The following DGKG variants were observed in gnomAD, a reference collection of about 807,000 sequenced individuals.
DGKG encodes the protein diacylglycerol kinase gamma.
In DGKG, 78 loss-of-function variants were observed where a neutral mutation model predicts 105.3. That is an observed-to-expected ratio of 0.74 (90% CI 0.62 to 0.89). DGKG has a LOEUF of 0.89. Ranked by LOEUF, DGKG falls within the 40% of genes least tolerant of loss-of-function variation. The pLI, the probability that DGKG is intolerant of heterozygous loss-of-function variation, is 0.00. For missense variants in DGKG, 958 were observed against 1,020.1 expected, an observed-to-expected ratio of 0.94 and a Z score of 0.83; for synonymous variants, 346 against 367.1, an observed-to-expected ratio of 0.94 and a Z score of 0.66.
chr3:186,209,859 A>G (rs1037625914), intron 21 of DGKG, among the ~76,000 whole-genome samples: 2 of 152,190 alleles, frequency 1.3e-5, no homozygotes, highest in Non-Finnish European at 2.9e-5. Context: ...GAGGGCTGTC[A>G]GAAGCTGCCC....
In DGKG at chr3:186,198,981, C is replaced by T. The variant is rs539903816; in HGVS notation, c.1918-10602G>A. On this transcript the variant is annotated intron_variant, in intron 21 of 24. Coordinates refer to ENST00000265022, the MANE Select transcript of DGKG (RefSeq NM_001346.3). ...TTTTTTTTTAAGACGGAGTTTTGCT[C>T]TTGTTACCCAGGCTGGAGTGCAATG... is the stretch of plus-strand genomic sequence containing the variant. 6.2e-4 allele frequency among the ~76,000 whole-genome samples: 95 copies of T among 152,120 alleles called. 1 individual carries two copies. Among genetic ancestry groups the T allele is most frequent in the Non-Finnish European group, 1.2e-3 (81 of 68,000 alleles).
chr3:186,241,991 C>G (rs1320515961), intron 20 of DGKG, among the ~76,000 whole-genome samples: 1 of 152,200 alleles, frequency 6.6e-6, no homozygotes, highest in Non-Finnish European at 1.5e-5. Context: ...AGGTACCTCT[C>G]TGCTGCTGCC....
intron 20 of DGKG, among the ~76,000 whole-genome samples, chr3:186,213,249 G>T (rs995563309): frequency 1.3e-5 from 2 of 152,342 alleles, no homozygotes; most frequent in African/African-American, 4.8e-5. Flanking sequence ...AAGCAGACCG[G>T]TGCTTCTCAA....
In DGKG at chr3:186,348,626, A is replaced by G. The variant is rs1578866360; in HGVS notation, c.-249+13320T>C. On this transcript the variant is annotated intron_variant, in intron 1 of 24. Transcript: ENST00000265022. ...ATCACCATTCCTGGCTAATTTTTGTATTTTTAGTAGAGGTGGGGTTTTGCC... is the reference window on the plus strand; with the variant it reads ...ATCACCATTCCTGGCTAATTTTTGTGTTTTTAGTAGAGGTGGGGTTTTGCC... Among the ~76,000 whole-genome samples, 6 of 151,464 alleles carry G rather than the reference A, an allele frequency of 4.0e-5. 1 individual carries two copies. In the South Asian group the frequency reaches 1.3e-3, roughly 32 times the overall value.
At chr3:186,302,621 C>T (rs866263911) in intron 3 of DGKG, among the ~76,000 whole-genome samples, 8 of 139,470 alleles carry the variant, frequency 5.7e-5, no homozygotes, top group Non-Finnish European at 1.1e-4. Context: ...TGTGTATATA[C>T]CTATATCTAT....
Position 186,149,984 on chromosome 3 carries a change from A to ATG in DGKG, c.*104_*105dup, listed in dbSNP as rs112047120. On this transcript the variant is annotated 3_prime_UTR_variant, in exon 25 of 25. Coordinates refer to ENST00000265022, the MANE Select transcript of DGKG (RefSeq NM_001346.3). Reference sequence around the variant, plus strand: ...TTCCACTGGTTAGAGAAGAGTGTGTATGTGTGTGTGTGTGTGCATGTGTGA... The same window carrying ATG: ...TTCCACTGGTTAGAGAAGAGTGTGTATGTGTGTGTGTGTGTGTGCATGTGTGA... The ATG allele has an allele frequency of 6.9e-4, 944 of 1,376,978 alleles. No homozygotes were observed. The highest frequency in any genetic ancestry group is 1.9e-3 in the East Asian group (68 of 36,006). 85.3% of individuals were successfully genotyped at this position (1,376,978 alleles called of 1,614,324 possible).
intron 24 of DGKG, chr3:186,158,089 A>C: frequency 2.2e-6 from 1 of 452,048 alleles, no homozygotes; most frequent in Non-Finnish European, 2.9e-6. Flanking sequence ...AATATGTTTG[A>C]TTCCTTTCTC....
At position 186,149,095 on chromosome 3, in the gene DGKG, G is replaced by A; in HGVS notation, c.*995C>T. The A allele has an allele frequency of 3.0e-6, 3 of 984,848 alleles. No individual in the cohort carries two copies. Among genetic ancestry groups the A allele is most frequent in the Non-Finnish European group, 3.6e-6 (3 of 829,772 alleles). The allele number at this position is 984,848 out of a possible 1,614,324, so 61.0% of individuals were successfully genotyped here. On this transcript the variant is annotated 3_prime_UTR_variant, in exon 25 of 25. Transcript: ENST00000265022. The stretch of plus-strand genomic sequence containing the variant: ...CTCTGGGAGTGGTGAGTGCAAAGAA[G>A]CAGGAGGGAACCGTCTCCTGGTTTC...
At chr3:186,177,055 C>T (rs16860521) in intron 22 of DGKG, among the ~76,000 whole-genome samples, 1,850 of 152,290 alleles carry the variant, frequency 0.012, 41 homozygotes, top group African/African-American at 0.042. Context: ...TTGGCTTTGT[C>T]CATTCTTCCC....
At chr3:186,332,981 G>T (rs1725670317) in intron 1 of DGKG, among the ~76,000 whole-genome samples, 1 of 152,112 alleles carries the variant, frequency 6.6e-6, no homozygotes, top group Admixed American at 6.5e-5. Flanking sequence ...ACTCTATGTA[G>T]AATCACCACC....
intron 5 of DGKG, among the ~76,000 whole-genome samples, chr3:186,296,536 G>C (rs1283902662): frequency 1.3e-5 from 2 of 152,236 alleles, no homozygotes; most frequent in African/African-American, 4.8e-5. Flanking sequence ...GCTTCCCATT[G>C]ATAAATGTGT....
At chr3:186,290,026 C>G (rs889161120) in intron 5 of DGKG, among the ~76,000 whole-genome samples, 1 of 152,146 alleles carries the variant, frequency 6.6e-6, no homozygotes, top group Non-Finnish European at 1.5e-5. Flanking sequence ...CCAAAGGTCA[C>G]TGACACAATT....
rs767650790 is a variant in DGKG at position 186,288,793 on chromosome 3, G to A, written c.461C>T (p.Ser154Leu). 16 of 1,613,498 alleles carry A rather than the reference G, an allele frequency of 9.9e-6. No individual in the cohort carries two copies. Among genetic ancestry groups the A allele is most frequent in the East Asian group, 2.2e-5 (1 of 44,832 alleles). Residue 154 changes from serine (S) to leucine (L), a missense_variant, in exon 6 of 25, where the codon TCG (serine) becomes TTG (leucine). Around this residue, in one of 2 missense-constraint regions of DGKG, gnomAD observed 643 missense variants for 619.5 expected, o/e 1.04. Transcript: ENST00000265022. ...LEPPVPRSSS[S>L]ESPVVYLKDV... Reference sequence around the variant, plus strand: ...CTTCAGGTATACCACTGGGGATTCCGAGCTTGAAGACCGAGGGACGGGGGG... The same window carrying A: ...CTTCAGGTATACCACTGGGGATTCCAAGCTTGAAGACCGAGGGACGGGGGG...
At chr3:186,253,756 C>G (rs762746549) in intron 17 of DGKG, among the ~76,000 whole-genome samples, 5 of 152,186 alleles carry the variant, frequency 3.3e-5, no homozygotes, top group Non-Finnish European at 7.3e-5. Flanking sequence ...GCTCCAAGTC[C>G]ATTCCCCTCC....
intron 1 of DGKG, among the ~76,000 whole-genome samples, chr3:186,323,376 T>A (rs1190806787): frequency 6.6e-6 from 1 of 152,226 alleles, no homozygotes; most frequent in African/African-American, 2.4e-5. Flanking sequence ...ATTATCTAAT[T>A]TAGTCCTCTT....
chr3:186,354,829 G>A (rs981884378), intron 1 of DGKG, among the ~76,000 whole-genome samples: 1 of 152,138 alleles, frequency 6.6e-6, no homozygotes, highest in East Asian at 1.9e-4. Context: ...GGTCAGAGTG[G>A]TGAGACCCTG....
intron 11 of DGKG, among the ~76,000 whole-genome samples, chr3:186,270,712 T>C (rs1412961101): frequency 6.6e-6 from 1 of 152,242 alleles, no homozygotes; most frequent in African/African-American, 2.4e-5. Context: ...CCAAGGCTGG[T>C]AAGCGGCCAA....
At chr3:186,360,678 C>T (rs1727184708) in intron 1 of DGKG, among the ~76,000 whole-genome samples, 1 of 152,162 alleles carries the variant, frequency 6.6e-6, no homozygotes, top group Non-Finnish European at 1.5e-5. Context: ...AACCAGGGTG[C>T]CCTGTGTGCC....
At chr3:186,212,957 G>T (rs1175036246) in intron 20 of DGKG, among the ~76,000 whole-genome samples, 1 of 152,168 alleles carries the variant, frequency 6.6e-6, no homozygotes, top group Non-Finnish European at 1.5e-5. Context: ...AGGGAAGAGG[G>T]CTCTTATTTT....
Sources: allele counts gnomAD v4.1 joint callset (sites outside exome capture counted in the v4.1 genomes callset), GRCh38; gene constraint gnomAD v4.1.1; regional missense constraint gnomAD v4.1.1; transcripts MANE v1.5; gene names NCBI Gene and HGNC (gene_info 2026-07-23, HGNC 2026-07-21).